Variants in ENKUR observed in about 807,000 individuals in gnomAD.
The protein encoded by ENKUR is enkurin.
ENKUR carries 19 observed loss-of-function variants against 27.6 expected under a neutral mutation model. The ratio of observed to expected loss-of-function variants is 0.69; its 90% confidence interval spans 0.48 to 1.01. The LOEUF (loss-of-function observed/expected upper bound fraction) is 1.01, where lower values mean the gene tolerates loss of function less well. Among genes scored for constraint, ENKUR ranks in the 50% least tolerant of loss-of-function variants. The pLI, the probability that ENKUR is intolerant of heterozygous loss-of-function variation, is 0.00. For missense variants in ENKUR, 312 were observed against 310.5 expected, an observed-to-expected ratio of 1.00 and a Z score of -0.04; for synonymous variants, 117 against 96.9, an observed-to-expected ratio of 1.21 and a Z score of -1.22.
chr10:24,997,550 C>T (rs753555714), intron 2 of ENKUR, among the ~76,000 whole-genome samples: 1 of 151,636 alleles, frequency 6.6e-6, no homozygotes, highest in Non-Finnish European at 1.5e-5. Context: ...GCACACCTAG[C>T]TAATTAAAAA....
rs367631651 is a variant in ENKUR at position 25,015,860 on chromosome 10, C to G, written c.77G>C (p.Arg26Thr). Residue 26 changes from arginine (R) to threonine (T), a missense_variant and splice_region_variant, in exon 1 of 6, where the codon AGG (arginine) becomes ACG (threonine). Transcript: ENST00000331161. Reference protein sequence around the residue: ...SDLKEPPQPPRYISIFKATVK... With the variant: ...SDLKEPPQPPTYISIFKATVK... ...TGATAGTCTTTGCTTATCCACATAC[C>G]TAGGAGGCTGGGGAGGCTCCTTCAA... 7 of 1,603,026 alleles carry G rather than the reference C, an allele frequency of 4.4e-6. No individual in the cohort carries two copies. Among genetic ancestry groups the G allele is most frequent in the African/African-American group, 1.3e-5 (1 of 74,660 alleles).
At chr10:25,003,359 G>C (rs949746665) in intron 1 of ENKUR, among the ~76,000 whole-genome samples, 1 of 151,802 alleles carries the variant, frequency 6.6e-6, no homozygotes, top group African/African-American at 2.4e-5. Context: ...GGCATGCACC[G>C]CCATGCCTGG....
chr10:24,988,253 T>C (rs972799257), intron 4 of ENKUR, among the ~76,000 whole-genome samples: 1 of 140,668 alleles, frequency 7.1e-6, no homozygotes, highest in Non-Finnish European at 1.5e-5. Flanking sequence ...TATATATATG[T>C]GTATATATAT....
At chr10:25,041,166 T>C (rs1851059814) in intron 2 of ENKUR, among the ~76,000 whole-genome samples, 3 of 152,224 alleles carry the variant, frequency 2.0e-5, no homozygotes, top group Non-Finnish European at 4.4e-5. Context: ...ATAAAGGGCG[T>C]GAATGTTTAA....
At chr10:25,048,967 G>A (rs777822428) in intron 2 of ENKUR, among the ~76,000 whole-genome samples, 14 of 152,114 alleles carry the variant, frequency 9.2e-5, no homozygotes, top group Non-Finnish European at 1.8e-4. Context: ...GAAGGAGAAG[G>A]CATTCAGTGC....
At chr10:25,047,484 CT>C (rs1475051778) in intron 2 of ENKUR, among the ~76,000 whole-genome samples, 7 of 152,184 alleles carry the variant, frequency 4.6e-5, no homozygotes, top group Non-Finnish European at 8.8e-5. Flanking sequence ...TGTTTCCTGG[CT>C]TTGCTCAATT....
intron 1 of ENKUR, among the ~76,000 whole-genome samples, chr10:25,008,531 AAGT>A (rs1850366355): frequency 6.6e-6 from 1 of 152,246 alleles, no homozygotes. Context: ...ATAAAGCAGA[AAGT>A]AGTCCAAGAA....
At chr10:25,047,135 C>G (rs1326176764) in intron 2 of ENKUR, among the ~76,000 whole-genome samples, 2 of 152,120 alleles carry the variant, frequency 1.3e-5, no homozygotes, top group Non-Finnish European at 2.9e-5. Flanking sequence ...AACAGAAAAA[C>G]CCAATTTTTC....
rs147396455 is a variant in ENKUR at position 24,995,655 on chromosome 10, G to T, written c.438C>A (p.Ile146=). 7.1e-5 allele frequency: 115 copies of T among 1,608,820 alleles called. No homozygotes were observed. Among genetic ancestry groups the T allele is most frequent in the Non-Finnish European group, 9.4e-5 (111 of 1,178,490 alleles). ...TATACCACAAGGCTACCTTTTTATT[G>T]ATGTACTTTGGAACTAGTCCTGAAG... ...LEPSGLVPKY[I]NKKDYGVTPE... The change falls in exon 3 of 6, where the codon ATC becomes ATA. Residue 146 remains isoleucine (I), a synonymous_variant. Coordinates refer to ENST00000331161, the MANE Select transcript of ENKUR (RefSeq NM_145010.4).
At chr10:25,034,487 TTATC>T (rs1850979023) in intron 2 of ENKUR, among the ~76,000 whole-genome samples, 1 of 152,190 alleles carries the variant, frequency 6.6e-6, no homozygotes, top group South Asian at 2.1e-4. Context: ...AAATTTAAGA[TTATC>T]TATATTTGTT....
At chr10:25,038,142 G>A (rs1335074478) in intron 2 of ENKUR, among the ~76,000 whole-genome samples, 1 of 152,062 alleles carries the variant, frequency 6.6e-6, no homozygotes, top group Non-Finnish European at 1.5e-5. Context: ...ATTCTCAATT[G>A]TCTTGTGAAT....
At chr10:25,030,834 C>T (rs1310462685) in intron 2 of ENKUR, among the ~76,000 whole-genome samples, 4 of 152,110 alleles carry the variant, frequency 2.6e-5, no homozygotes, top group Non-Finnish European at 4.4e-5. Context: ...AAAGATAGTG[C>T]TTGGCCAGGT....
intron 2 of ENKUR, among the ~76,000 whole-genome samples, chr10:25,054,492 T>TCTTTCTTTCTTTC (rs1851226467): frequency 1.6e-5 from 2 of 127,788 alleles, no homozygotes; most frequent in South Asian, 2.9e-4. Flanking sequence ...TTTCTTTCTT[T>TCTTTCTTTCTTTC]CTTTCTTTCT....
intron 2 of ENKUR, chr10:25,023,768 T>C: frequency 6.2e-7 from 1 of 1,614,028 alleles, no homozygotes; most frequent in South Asian, 1.1e-5. Flanking sequence ...GGAACATCTA[T>C]GAAAGACTTA....
rs564609568 is a variant in ENKUR, at chr10:25,054,155, G to A, written c.37+6957C>T. On this transcript the variant is annotated intron_variant, in intron 2 of 5. Transcript: ENST00000615958. ...AATGGTGCTGGCCGGGCATGGTGGC[G>A]CACGCCTATAATCCCAACACTTTGG... Among the ~76,000 whole-genome samples, 46 of 152,294 alleles carry A rather than the reference G, an allele frequency of 3.0e-4. No homozygotes were observed. In the South Asian group the frequency reaches 5.2e-3, roughly 17 times the overall value.
intron 2 of ENKUR, among the ~76,000 whole-genome samples, chr10:25,056,160 T>G (rs1246645072): frequency 6.6e-6 from 1 of 152,202 alleles, no homozygotes; most frequent in Non-Finnish European, 1.5e-5. Flanking sequence ...ACCCTGTTAG[T>G]GATAGAGTCG....
intron 2 of ENKUR, among the ~76,000 whole-genome samples, chr10:25,036,104 G>A (rs965994039): frequency 2.0e-5 from 3 of 152,164 alleles, no homozygotes; most frequent in Non-Finnish European, 2.9e-5. Context: ...TAGGTATTTG[G>A]TTTCTGATAT....
At chr10:24,987,146 T>C (rs140059416) in intron 4 of ENKUR, among the ~76,000 whole-genome samples, 3 of 152,240 alleles carry the variant, frequency 2.0e-5, no homozygotes, top group African/African-American at 7.2e-5. Context: ...AGTCTAGACA[T>C]GGGTTCTAGC....
chr10:25,008,764 C>A (rs1362287169), intron 1 of ENKUR, among the ~76,000 whole-genome samples: 2 of 152,060 alleles, frequency 1.3e-5, no homozygotes, highest in African/African-American at 4.8e-5. Flanking sequence ...GGGTATATAC[C>A]CAAAGGACCA....
Sources: gnomAD v4.1 joint callset for allele counts (sites outside exome capture counted in the v4.1 genomes callset) on GRCh38, gnomAD v4.1.1 for gene constraint, MANE v1.5 for transcripts, NCBI Gene and HGNC (gene_info 2026-07-23, HGNC 2026-07-21) for gene names.